APBA2: variants seen among roughly 807,000 people sequenced by gnomAD.
The protein encoded by APBA2 is amyloid-beta A4 precursor protein-binding family A member 2.
In APBA2, 30 loss-of-function variants were observed where a neutral mutation model predicts 75.0. The ratio of observed to expected loss-of-function variants is 0.40; its 90% CI spans 0.30 to 0.54. APBA2 has a LOEUF of 0.54. Among genes scored for constraint, APBA2 ranks in the 20% least tolerant of loss-of-function variants. APBA2 has a pLI of 0.49. For synonymous variants in APBA2, 444 were observed against 409.6 expected (o/e 1.08, Z -1.01); for missense variants, 801 against 1,016.1 (o/e 0.79, Z 2.88).
intron 6 of APBA2, among the ~76,000 whole-genome samples, chr15:29,083,617 G>A (rs1242542755): frequency 2.6e-5 from 4 of 152,054 alleles, no homozygotes; most frequent in African/African-American, 2.4e-5. Flanking sequence ...TGCAACCTTC[G>A]CCTTCTGGGT....
intron 3 of APBA2, among the ~76,000 whole-genome samples, chr15:29,052,454 C>CAAAAAAAGA (rs1368122229): frequency 2.9e-5 from 3 of 103,192 alleles, no homozygotes; most frequent in African/African-American, 1.6e-4. Context: ...GACTCCATCT[C>CAAAAAAAGA]AAAAAAAAAA....
At chr15:29,000,840 G>T (rs2038805670) in intron 3 of APBA2, among the ~76,000 whole-genome samples, 1 of 152,098 alleles carries the variant, frequency 6.6e-6, no homozygotes, top group African/African-American at 2.4e-5. Flanking sequence ...TAGAATGCTA[G>T]GATTACAAGT....
intron 2 of APBA2, among the ~76,000 whole-genome samples, chr15:28,935,994 T>C (rs1403221376): frequency 6.6e-6 from 1 of 152,220 alleles, no homozygotes; most frequent in East Asian, 1.9e-4. Flanking sequence ...AGTCTTGATT[T>C]TGTTTTGTTA....
chr15:28,902,416 C>T (rs1425171952), intron 1 of APBA2, among the ~76,000 whole-genome samples: 1 of 152,198 alleles, frequency 6.6e-6, no homozygotes, highest in Non-Finnish European at 1.5e-5. Context: ...TAAGGACACT[C>T]TGAGATGCTG....
Position 29,046,670 on chromosome 15 carries a change from C to T in APBA2, c.-40-7175C>T, listed in dbSNP as rs560576175. ...TGGCCCACAACCTTGGAATCTTGGG[C>T]CATGAACCTGCACACTCTCCAGGTG... On this transcript the variant is annotated intron_variant, in intron 3 of 14. Coordinates refer to ENST00000683413, the MANE Select transcript of APBA2 (RefSeq NM_001353788.2). This position sits in a 1 kb window ranked among gnomAD's most constrained non-coding sequence, Gnocchi z 5.0. 1.3e-5 allele frequency among the ~76,000 whole-genome samples: 2 copies of T among 152,338 alleles called. No individual in the cohort carries two copies. Among genetic ancestry groups the T allele is most frequent in the East Asian group, 1.9e-4 (1 of 5,182 alleles).
intron 2 of APBA2, among the ~76,000 whole-genome samples, chr15:28,989,633 G>C (rs771184245): frequency 6.6e-6 from 1 of 152,170 alleles, no homozygotes; most frequent in East Asian, 1.9e-4. Context: ...CCCGCTCCAG[G>C]GGGTGCCTGG....
chr15:29,068,576 C>T (rs2042480201), intron 4 of APBA2, among the ~76,000 whole-genome samples: 2 of 152,294 alleles, frequency 1.3e-5, no homozygotes, highest in East Asian at 3.9e-4. Flanking sequence ...CCCACCTTCC[C>T]CACAAATGGA....
intron 6 of APBA2, among the ~76,000 whole-genome samples, chr15:29,090,488 G>C (rs535106430): frequency 2.6e-5 from 4 of 152,352 alleles, no homozygotes; most frequent in Admixed American, 6.5e-5. Flanking sequence ...GAGAAGCCAA[G>C]GGGCAGTGCC....
chr15:28,995,328 G>T (rs541252777), intron 2 of APBA2, among the ~76,000 whole-genome samples: 3 of 152,070 alleles, frequency 2.0e-5, no homozygotes, highest in African/African-American at 7.2e-5. Flanking sequence ...CACTTTCATC[G>T]CAGTCCTCTC....
chr15:28,975,288 C>T (rs2037278041), intron 2 of APBA2, among the ~76,000 whole-genome samples: 1 of 152,094 alleles, frequency 6.6e-6, no homozygotes, highest in Non-Finnish European at 1.5e-5. Context: ...ACAGATATCT[C>T]AATGCTACTT....
intron 2 of APBA2, among the ~76,000 whole-genome samples, chr15:28,982,913 T>A (rs1366773594): frequency 2.6e-5 from 4 of 152,212 alleles, no homozygotes; most frequent in Non-Finnish European, 5.9e-5. Flanking sequence ...GTTGTAGTGA[T>A]GTCTATGTAG....
chr15:28,929,644 T>C (rs941957392), intron 2 of APBA2, among the ~76,000 whole-genome samples: 1 of 152,202 alleles, frequency 6.6e-6, no homozygotes, highest in Non-Finnish European at 1.5e-5. Context: ...TTTTGCCCTC[T>C]TACTGTGGCT....
rs2044444961 is a variant in APBA2, at chr15:29,106,942, G to A, written c.1917+123G>A. On this transcript the variant is annotated intron_variant, in intron 12 of 14. Transcript: ENST00000683413. ...CACCCATGGGGAAACTGAGGCCCAGGGAGACCCACCCGGTGACTGGTCGAT... is the reference window on the plus strand; with the variant it reads ...CACCCATGGGGAAACTGAGGCCCAGAGAGACCCACCCGGTGACTGGTCGAT... The A allele has an allele frequency of 1.1e-5, 10 of 908,012 alleles. 1 individual carries two copies. The South Asian group carries it at 1.6e-4, about 14-fold the overall frequency. 56.2% of individuals were successfully genotyped at this position (908,012 alleles called of 1,614,324 possible). A position where few individuals can be genotyped will look rare whatever the true frequency, so the allele number is the denominator to read the frequency against.
chr15:28,970,686 G>A (rs2037017875), intron 2 of APBA2, among the ~76,000 whole-genome samples: 1 of 151,270 alleles, frequency 6.6e-6, no homozygotes, highest in African/African-American at 2.4e-5. Context: ...ACAGTCACCA[G>A]GAAGGCTACT....
At chr15:28,895,395 G>A (rs942295946) in intron 1 of APBA2, 1 of 152,422 alleles carries the variant, frequency 6.6e-6, no homozygotes, top group Non-Finnish European at 1.5e-5. Context: ...GAGCAGCAGT[G>A]CCGCAGGATG....
chr15:29,091,221 T>C (rs2043554985), intron 6 of APBA2, among the ~76,000 whole-genome samples: 1 of 152,040 alleles, frequency 6.6e-6, no homozygotes, highest in Non-Finnish European at 1.5e-5. Context: ...GGAGGATATT[T>C]AAAAGCCGTG....
At chr15:28,973,464 GTTA>G (rs971754707) in intron 2 of APBA2, among the ~76,000 whole-genome samples, 1 of 152,104 alleles carries the variant, frequency 6.6e-6, no homozygotes, top group Non-Finnish European at 1.5e-5. Context: ...ATTATTACTG[GTTA>G]TTATGTGATA....
At chr15:28,998,275 C>G (rs1424547923) in intron 3 of APBA2, among the ~76,000 whole-genome samples, 2 of 149,074 alleles carry the variant, frequency 1.3e-5, no homozygotes, top group Non-Finnish European at 3.0e-5. Flanking sequence ...GGCCCTCGAT[C>G]TATAAAATGT....
chr15:29,112,019 A>G (rs2044760258), intron 13 of APBA2, among the ~76,000 whole-genome samples: 1 of 152,096 alleles, frequency 6.6e-6, no homozygotes. Context: ...GCCCTGCAGC[A>G]GTGGGGCGCT....
Sources: allele counts gnomAD v4.1 joint callset (sites outside exome capture counted in the v4.1 genomes callset), GRCh38; gene constraint gnomAD v4.1.1; non-coding constraint Gnocchi (gnomAD v3.1); transcripts MANE v1.5; gene names NCBI Gene and HGNC (gene_info 2026-07-23, HGNC 2026-07-21).